Variants in ODF2 observed in about 807,000 individuals in gnomAD.
The protein encoded by ODF2 is outer dense fiber protein 2.
In ODF2, 47 loss-of-function variants were observed where a neutral mutation model predicts 110.2. The ratio of observed to expected loss-of-function variants is 0.43; its 90% CI spans 0.34 to 0.54. The LOEUF (loss-of-function observed/expected upper bound fraction) is 0.54, where lower values mean the gene tolerates loss of function less well. Ranked by LOEUF, ODF2 falls within the 20% of genes least tolerant of loss-of-function variation. The pLI is 0.03. For synonymous variants in ODF2, 352 were observed against 397.7 expected, an observed-to-expected ratio of 0.89 and a Z score of 1.37; for missense variants, 812 against 1,054.5, an observed-to-expected ratio of 0.77 and a Z score of 3.19.
At position 128,494,378 on chromosome 9, in the gene ODF2, T is replaced by G; in HGVS notation, c.1753-132T>G. The G allele has an allele frequency of 1.3e-6, 1 of 742,190 alleles. No homozygotes were observed. The highest frequency in any genetic ancestry group is 2.2e-6 in the Non-Finnish European group (1 of 449,990). 46.0% of individuals were successfully genotyped at this position (742,190 alleles called of 1,614,324 possible). ...GTAGGCCACACTTCTGCTGTGGATTTTGCAGGATCCTCCACTGGGGACTGT... is the reference window on the plus strand; with the variant it reads ...GTAGGCCACACTTCTGCTGTGGATTGTGCAGGATCCTCCACTGGGGACTGT... On this transcript the variant is annotated intron_variant, in intron 16 of 20. Coordinates refer to ENST00000604420, the Ensembl canonical transcript of ODF2. This position sits in a 1 kb window ranked among gnomAD's most constrained non-coding sequence, Gnocchi z 4.6.
chr9:128,493,456 T>C (rs1019536758), intron 16 of ODF2, among the ~76,000 whole-genome samples: 1 of 152,214 alleles, frequency 6.6e-6, no homozygotes, highest in Non-Finnish European at 1.5e-5. Context: ...TCTACAGTTA[T>C]GCCAGGTCTT....
rs192505941 is a variant in ODF2 at position 128,463,484 on chromosome 9, G to C, written c.249+2417G>C. ...AGATAAAAAATTAGCTGGGTGCAGT[G>C]GTACGCACTTGTAGTCCTACTTACT... On this transcript the variant is annotated intron_variant, in intron 4 of 20. Transcript: ENST00000604420. Among the ~76,000 whole-genome samples, 162 of 152,244 alleles carry C rather than the reference G, an allele frequency of 1.1e-3. 1 individual carries two copies. Among genetic ancestry groups the C allele is most frequent in the Middle Eastern group, 3.4e-3 (1 of 294 alleles).
At chr9:128,470,483 T>A (rs1839706186) in intron 5 of ODF2, among the ~76,000 whole-genome samples, 1 of 151,472 alleles carries the variant, frequency 6.6e-6, no homozygotes, top group African/African-American at 2.4e-5. Context: ...ATACAAAAAT[T>A]TGCCAGGCAC....
At chr9:128,501,137 T>C (rs1232491977), downstream of ODF2, 2 of 152,220 alleles carry the variant, frequency 1.3e-5, no homozygotes, top group African/African-American at 4.8e-5. Context: ...TTGTAATCAA[T>C]GAACTGTCAG....
chr9:128,476,977 C>T (rs542282048), intron 8 of ODF2, among the ~76,000 whole-genome samples: 1 of 150,660 alleles, frequency 6.6e-6, no homozygotes, highest in East Asian at 2.1e-4. Flanking sequence ...GGTGCAGTGG[C>T]TCATGCCTGT....
At chr9:128,456,418 C>T in intron 1 of ODF2, 163 bp downstream of exon 1, 1 of 1,481,586 alleles carries the variant, frequency 6.7e-7, no homozygotes, top group Non-Finnish European at 8.9e-7. Flanking sequence ...GGCCCCCGCC[C>T]CGCCCACCGG....
In ODF2 at chr9:128,456,163, G is replaced by A. The variant is rs1408641746; in HGVS notation, c.-301G>A. 2.6e-6 allele frequency: 4 copies of A among 1,549,164 alleles called. No homozygotes were observed. In the African/African-American group the frequency reaches 5.5e-5, roughly 21 times the overall value. ...GAGGAGCCGCTGCCAGAGCCAGACT[G>A]CATCCGCCGCGGCGTCTCCATGGCA... On this transcript the variant is annotated 5_prime_UTR_variant, in exon 1 of 21. Coordinates refer to ENST00000604420, the Ensembl canonical transcript of ODF2.
At chr9:128,456,009 C>A (rs933680374), upstream of ODF2, 241 of 1,418,774 alleles carry the variant, frequency 1.7e-4, 1 homozygote, top group Admixed American at 4.0e-4. Context: ...GCCCTTCTGG[C>A]GGGGCGGGGC....
At chr9:128,473,700 C>G in exon 8 of ODF2, 2 of 1,613,716 alleles carry the variant, frequency 1.2e-6, no homozygotes, top group Non-Finnish European at 1.7e-6. Flanking sequence ...GGAGACCAAC[C>G]GCACCCTCCG....
intron 14 of ODF2, among the ~76,000 whole-genome samples, chr9:128,488,533 C>T (rs927065064): frequency 6.6e-6 from 1 of 152,196 alleles, no homozygotes; most frequent in Non-Finnish European, 1.5e-5. Flanking sequence ...GAAATGAGGT[C>T]CTTGTGAGAA....
At chr9:128,491,790 A>T (rs748160508) in intron 14 of ODF2, among the ~76,000 whole-genome samples, 1 of 152,156 alleles carries the variant, frequency 6.6e-6, no homozygotes, top group South Asian at 2.1e-4. Flanking sequence ...CGAAAAAGTT[A>T]TGCAGCTATA....
intron 6 of ODF2, 69 bp downstream of exon 6, chr9:128,471,537 A>G: frequency 6.5e-7 from 1 of 1,530,516 alleles, no homozygotes; most frequent in Non-Finnish European, 8.8e-7. Context: ...GCCCTGGGCA[A>G]TAATGGAAAG....
In ODF2 at chr9:128,494,789, G is replaced by T; in HGVS notation, c.1911+121G>T. On this transcript the variant is annotated intron_variant, in intron 17 of 20. Transcript: ENST00000604420. This position sits in a 1 kb window ranked among gnomAD's most constrained non-coding sequence, Gnocchi z 4.6. Reference sequence around the variant, plus strand: ...TTTTCTTGGCTGCTGCTTTTTAAAAGGAGTGAGCTATCATCAGTGCTGTGA... The same window carrying T: ...TTTTCTTGGCTGCTGCTTTTTAAAATGAGTGAGCTATCATCAGTGCTGTGA... 1 of 1,588,232 alleles carries T rather than the reference G, an allele frequency of 6.3e-7. No individual in the cohort carries two copies. Among genetic ancestry groups the T allele is most frequent in the East Asian group, 2.3e-5 (1 of 43,480 alleles).
Position 128,485,483 on chromosome 9 carries a change from T to TA in ODF2, c.1400+10dup, listed in dbSNP as rs751297373. 2 of 1,455,798 alleles carry TA rather than the reference T, an allele frequency of 1.4e-6. No individual in the cohort carries two copies. Among genetic ancestry groups the TA allele is most frequent in the Non-Finnish European group, 9.6e-7 (1 of 1,037,732 alleles). The allele number at this position is 1,455,798 out of a possible 1,614,324, so 90.2% of individuals were successfully genotyped here. ...ATTATTGTCCTGAATGAGTACGTCT[T>TA]AGAGTAGGAGAGGGAATGTGGCGCT... On this transcript the variant is annotated intron_variant, in intron 13 of 20. Coordinates refer to ENST00000604420, the Ensembl canonical transcript of ODF2. The surrounding 1 kb of genome is among the most constrained non-coding windows in gnomAD (Gnocchi z 5.0).
intron 14 of ODF2, among the ~76,000 whole-genome samples, chr9:128,490,865 C>T (rs1844408187): frequency 6.6e-6 from 1 of 152,078 alleles, no homozygotes. Flanking sequence ...TCATTTGATA[C>T]ACCATGATTT....
intron 14 of ODF2, among the ~76,000 whole-genome samples, chr9:128,488,873 G>A (rs932824162): frequency 1.1e-4 from 16 of 152,156 alleles, no homozygotes; most frequent in Non-Finnish European, 2.2e-4. Context: ...TGGGCATGGT[G>A]GTGTGTGCCT....
At position 128,496,972 on chromosome 9, in the gene ODF2, C is replaced by T. The variant is rs141493323; in HGVS notation, c.2012+831C>T. 4.6e-5 allele frequency among the ~76,000 whole-genome samples: 7 copies of T among 152,216 alleles called. No homozygotes were observed. The East Asian group carries it at 1.4e-3, about 29-fold the overall frequency. On this transcript the variant is annotated intron_variant, in intron 18 of 20. Transcript: ENST00000604420. Reference sequence around the variant, plus strand: ...TGAACTCCTGGGTTCAAGTGATCCACCCACCTAGGCCTCCTAGAGTGCTGG... The same window carrying T: ...TGAACTCCTGGGTTCAAGTGATCCATCCACCTAGGCCTCCTAGAGTGCTGG...
chr9:128,482,174 T>C (rs892896418), intron 9 of ODF2, among the ~76,000 whole-genome samples: 1 of 152,190 alleles, frequency 6.6e-6, no homozygotes, highest in Non-Finnish European at 1.5e-5. Flanking sequence ...TTCAAGACTT[T>C]TTTGGAGTGT....
chr9:128,474,560 C>T (rs1022178858), intron 8 of ODF2, among the ~76,000 whole-genome samples: 6 of 150,572 alleles, frequency 4.0e-5, no homozygotes, highest in African/African-American at 2.5e-5. Flanking sequence ...CCTCAGGAGG[C>T]TGAGGCAGGA....
Sources: gnomAD v4.1 joint callset for allele counts (sites outside exome capture counted in the v4.1 genomes callset) on GRCh38, gnomAD v4.1.1 for gene constraint, Gnocchi (gnomAD v3.1) non-coding constraint, MANE v1.5 for transcripts, NCBI Gene and HGNC (gene_info 2026-07-23, HGNC 2026-07-21) for gene names.